The following FIG4 variants were observed in gnomAD, a reference collection of about 807,000 sequenced individuals.
The protein encoded by FIG4 is polyphosphoinositide phosphatase.
In FIG4, 112 loss-of-function variants were observed where a neutral mutation model predicts 118.6. The observed-to-expected ratio is 0.94, with a 90% confidence interval of 0.81 to 1.11. The LOEUF (loss-of-function observed/expected upper bound fraction) is 1.11. FIG4 is among the 50% of genes least tolerant of loss of function. The pLI is 0.00. For missense variants in FIG4, 969 were observed against 1,111.7 expected (o/e 0.87, Z 1.83); for synonymous variants, 369 against 381.2 (o/e 0.97, Z 0.37).
intron 14 of FIG4, 53 bp from the exon 15 acceptor site, chr6:109,766,676 A>G: frequency 6.6e-7 from 1 of 1,516,590 alleles, no homozygotes; most frequent in Admixed American, 1.7e-5. Context: ...CTAAGTGAAT[A>G]ACTTGTGCTT....
chr6:109,787,410 G>A (rs1462061184), intron 18 of FIG4, among the ~76,000 whole-genome samples: 4 of 152,102 alleles, frequency 2.6e-5, no homozygotes, highest in Non-Finnish European at 5.9e-5. Flanking sequence ...GGAACAGTTC[G>A]AAATTCTTAC....
intron 15 of FIG4, among the ~76,000 whole-genome samples, chr6:109,769,113 T>C (rs1358283971): frequency 6.6e-6 from 1 of 151,726 alleles, no homozygotes; most frequent in Non-Finnish European, 1.5e-5. Flanking sequence ...TGTGCTTTTT[T>C]TTTTTTTTGA....
chr6:109,698,009 C>T (rs1774783946), intron 1 of FIG4, among the ~76,000 whole-genome samples: 1 of 151,952 alleles, frequency 6.6e-6, no homozygotes, highest in South Asian at 2.1e-4. Context: ...CTGCCTTAGC[C>T]TCCCGGATAG....
At chr6:109,752,143 C>G (rs1462498290) in intron 10 of FIG4, among the ~76,000 whole-genome samples, 2 of 151,776 alleles carry the variant, frequency 1.3e-5, no homozygotes, top group African/African-American at 2.4e-5. Flanking sequence ...CCAATTTCAT[C>G]CATGCCCCTA....
chr6:109,707,315 A>ATGTG (rs1373318320), intron 1 of FIG4, among the ~76,000 whole-genome samples: 5 of 147,042 alleles, frequency 3.4e-5, no homozygotes, highest in East Asian at 4.0e-4. Flanking sequence ...GTGTATGTGT[A>ATGTG]TATATATATG....
At chr6:109,815,581 A>G (rs1422568528) in intron 22 of FIG4, among the ~76,000 whole-genome samples, 5 of 129,962 alleles carry the variant, frequency 3.8e-5, no homozygotes, top group South Asian at 2.5e-4. Context: ...CTGCCTCTCC[A>G]TGCAGATTAT....
chr6:109,758,186 C>T (rs1399456101), intron 10 of FIG4, among the ~76,000 whole-genome samples: 1 of 152,232 alleles, frequency 6.6e-6, no homozygotes, highest in African/African-American at 2.4e-5. Context: ...CTGTAGGCAT[C>T]ATGCTACCTG....
intron 10 of FIG4, among the ~76,000 whole-genome samples, chr6:109,757,035 G>T (rs1047607559): frequency 6.6e-6 from 1 of 152,098 alleles, no homozygotes; most frequent in Non-Finnish European, 1.5e-5. Flanking sequence ...CGTCGCTCAC[G>T]CTGGGAGCTG....
In FIG4 at chr6:109,776,847, C is replaced by T. The variant is rs146957985; in HGVS notation, c.1751-75C>T. On this transcript the variant is annotated intron_variant, in intron 15 of 22. Coordinates refer to ENST00000230124, the MANE Select transcript of FIG4 (RefSeq NM_014845.6). ...TAAATACTACTTTTGTACCACTATC[C>T]TCCTAAGAAAATATTCTCTTGAGTT... 1.1e-4 allele frequency: 127 copies of T among 1,203,616 alleles called. No individual in the cohort carries two copies. In the African/African-American group the frequency reaches 1.6e-3, roughly 15 times the overall value. 74.6% of individuals were successfully genotyped at this position (1,203,616 alleles called of 1,614,324 possible). A position where few individuals can be genotyped will look rare whatever the true frequency, so the allele number is the denominator to read the frequency against.
intron 21 of FIG4, among the ~76,000 whole-genome samples, chr6:109,795,104 T>TTTG (rs1778244409): frequency 2.3e-4 from 6 of 25,674 alleles, no homozygotes; most frequent in South Asian, 3.2e-3. Context: ...AGTTTTTTTT[T>TTTG]TTTTTTTTTT....
chr6:109,729,676 G>GC (rs1434682344), intron 4 of FIG4, among the ~76,000 whole-genome samples: 1 of 151,694 alleles, frequency 6.6e-6, no homozygotes, highest in Non-Finnish European at 1.5e-5. Context: ...ATTTTGGGAG[G>GC]CTGAGGTGGG....
rs1233666827 is a variant in FIG4 at position 109,732,639 on chromosome 6, A to G, written c.449A>G (p.Tyr150Cys). 6 of 1,348,506 alleles carry G rather than the reference A, an allele frequency of 4.4e-6. No individual in the cohort carries two copies. The highest frequency in any genetic ancestry group is 1.5e-5 in the African/African-American group (1 of 67,178). 83.5% of individuals were successfully genotyped at this position (1,348,506 alleles called of 1,614,324 possible). The change falls in exon 5 of 23, where the codon TAT (tyrosine) becomes TGT (cysteine). Residue 150 changes from tyrosine (Y) to cysteine (C), a missense_variant and splice_region_variant. Physicochemically the swap from Tyr to Cys is radical, Grantham distance 194 (BLOSUM62 -2). Coordinates refer to ENST00000230124, the MANE Select transcript of FIG4 (RefSeq NM_014845.6). ...VRVTHPDEARYLRIFQNVDLS... is the reference protein window; with the variant it reads ...VRVTHPDEARCLRIFQNVDLS... ...GTACTTTGTTTTTTTTTTTTTAGGT[A>G]TCTACGAATATTTCAAAATGTGGAC...
chr6:109,786,002 T>A, intron 17 of FIG4: 1 of 382,168 alleles, frequency 2.6e-6, no homozygotes, highest in South Asian at 2.8e-5. Context: ...GGGCATTTAT[T>A]TAAGAGCAAA....
intron 3 of FIG4, 58 bp from the exon 4 acceptor site, chr6:109,727,051 A>C (rs1207775505): frequency 3.0e-6 from 4 of 1,327,244 alleles, no homozygotes. Flanking sequence ...TTAAATAGGC[A>C]TCTAAAAGCC....
intron 22 of FIG4, among the ~76,000 whole-genome samples, chr6:109,808,819 C>A (rs1778642348): frequency 6.6e-6 from 1 of 152,124 alleles, no homozygotes. Flanking sequence ...ACACGTATAT[C>A]TACCACCGTG....
At chr6:109,806,936 C>T (rs538253495) in intron 22 of FIG4, among the ~76,000 whole-genome samples, 26 of 152,236 alleles carry the variant, frequency 1.7e-4, no homozygotes, top group African/African-American at 5.8e-4. Flanking sequence ...GACATGAACT[C>T]ATCCTTTTTA....
At chr6:109,740,093 C>G (rs1311062411) in intron 7 of FIG4, among the ~76,000 whole-genome samples, 3 of 152,114 alleles carry the variant, frequency 2.0e-5, no homozygotes, top group African/African-American at 7.2e-5. Flanking sequence ...ACTTTTTTCT[C>G]TTTCCAAAAG....
intron 22 of FIG4, among the ~76,000 whole-genome samples, chr6:109,811,473 A>G (rs1171507359): frequency 1.3e-5 from 2 of 152,244 alleles, no homozygotes; most frequent in Non-Finnish European, 2.9e-5. Flanking sequence ...TATCATAGCC[A>G]CAAGTCATCT....
At chr6:109,742,074 C>T (rs1776341339) in intron 8 of FIG4, among the ~76,000 whole-genome samples, 1 of 151,974 alleles carries the variant, frequency 6.6e-6, no homozygotes. Flanking sequence ...TCTGAAAAGT[C>T]AGCTATCTTA....
Sources: allele counts gnomAD v4.1 joint callset (sites outside exome capture counted in the v4.1 genomes callset), GRCh38; gene constraint gnomAD v4.1.1; transcripts MANE v1.5; gene names NCBI Gene and HGNC (gene_info 2026-07-23, HGNC 2026-07-21).